Variants in ZNF124 observed in about 807,000 individuals in gnomAD.
The protein encoded by ZNF124 is zinc finger protein HZF-16.
Under a neutral mutation model 26.6 loss-of-function variants are expected in ZNF124, and 25 were observed. That is an observed-to-expected ratio of 0.94 (90% CI 0.68 to 1.31). The LOEUF (loss-of-function observed/expected upper bound fraction) is 1.31. Among genes scored for constraint, ZNF124 ranks in the 40% most tolerant of loss-of-function variants. ZNF124 has a pLI of 0.00. For missense variants in ZNF124, 444 were observed against 422.2 expected (o/e 1.05, Z -0.45); for synonymous variants, 129 against 133.3 (o/e 0.97, Z 0.22).
rs150462818 is a variant in ZNF124, at chr1:247,143,061, A to T, written c.218+15945T>A. Among the ~76,000 whole-genome samples, 26 of 152,134 alleles carry T rather than the reference A, an allele frequency of 1.7e-4. No homozygotes were observed. In the East Asian group the frequency reaches 4.8e-3, roughly 28 times the overall value. ...TTTATCCATAAAGAATCTGCATGTG[A>T]GAGAGAGAGCTATTTTCTCCTCACT... On this transcript the variant is annotated intron_variant, in intron 3 of 3. Transcript: ENST00000472531.
chr1:247,130,465 A>G (rs1572056638), intron 3 of ZNF124, among the ~76,000 whole-genome samples: 1 of 152,322 alleles, frequency 6.6e-6, no homozygotes, highest in East Asian at 1.9e-4. Flanking sequence ...CATCAGTTCC[A>G]CCTTTGTGCC....
chr1:247,145,374 GA>G (rs1263436206), intron 3 of ZNF124, among the ~76,000 whole-genome samples: 1 of 152,140 alleles, frequency 6.6e-6, no homozygotes, highest in Non-Finnish European at 1.5e-5. Context: ...GGTGTGTCTG[GA>G]GTCAGTTTTT....
In ZNF124 at chr1:247,140,759, C is replaced by T. The variant is rs542721118; in HGVS notation, c.219-16888G>A. 4.6e-5 allele frequency among the ~76,000 whole-genome samples: 7 copies of T among 152,256 alleles called. No homozygotes were observed. The East Asian group carries it at 1.2e-3, about 25-fold the overall frequency. On this transcript the variant is annotated intron_variant, in intron 3 of 3. Coordinates refer to the ZNF124 transcript ENST00000472531. ...CAAGGTGTTTTTGGTGTTGGAACTT[C>T]GGGATGTGATCCAGTAGGTGGTGCT...
chr1:247,144,859 T>A (rs369965164), intron 3 of ZNF124, among the ~76,000 whole-genome samples: 4 of 151,308 alleles, frequency 2.6e-5, no homozygotes, highest in South Asian at 4.2e-4. Context: ...CAATGCAACC[T>A]CCGCCTCCCA....
At chr1:247,152,099 C>T (rs768065679), downstream of ZNF124, among the ~76,000 whole-genome samples, 3 of 149,346 alleles carry the variant, frequency 2.0e-5, no homozygotes, top group African/African-American at 4.9e-5. Context: ...AAAACTGTCC[C>T]CAATATTTAA....
rs1480778955 is a variant in ZNF124 at position 247,156,240 on chromosome 1, C to G, written c.*326G>C. On this transcript the variant is annotated 3_prime_UTR_variant, in exon 4 of 4. Coordinates refer to ENST00000543802, the MANE Select transcript of ZNF124 (RefSeq NM_001297568.2). ...GTTATAGGATAAATGAAGGCATTCT[C>G]ACATTCGATACCTTCATAAAGTTTT... The G allele has an allele frequency of 2.9e-6, 3 of 1,033,044 alleles. No homozygotes were observed. The highest frequency in any genetic ancestry group is 3.5e-6 in the Non-Finnish European group (3 of 862,466). 64.0% of individuals were successfully genotyped at this position (1,033,044 alleles called of 1,614,324 possible).
At chr1:247,164,420 A>G (rs1385928183) in intron 1 of ZNF124, among the ~76,000 whole-genome samples, 1 of 152,232 alleles carries the variant, frequency 6.6e-6, no homozygotes, top group Non-Finnish European at 1.5e-5. Flanking sequence ...AGGACAGAAA[A>G]TAAATGTACA....
chr1:247,170,678 A>T (rs952953339), intron 1 of ZNF124, among the ~76,000 whole-genome samples: 1 of 143,646 alleles, frequency 7.0e-6, no homozygotes, highest in Admixed American at 6.7e-5. Context: ...TTAAGGGCTT[A>T]CAACTCTAAG....
At chr1:247,167,401 TG>T (rs139908179) in intron 1 of ZNF124, among the ~76,000 whole-genome samples, 3,928 of 152,300 alleles carry the variant, frequency 0.026, 183 homozygotes, top group African/African-American at 0.09. Flanking sequence ...GGAAACAAAC[TG>T]ATGTTTTGGT....
At chr1:247,135,852 C>G (rs1672470446) in intron 3 of ZNF124, among the ~76,000 whole-genome samples, 1 of 152,208 alleles carries the variant, frequency 6.6e-6, no homozygotes, top group South Asian at 2.1e-4. Flanking sequence ...AGCTTCATTA[C>G]TGGGATGCAT....
intron 1 of ZNF124, among the ~76,000 whole-genome samples, chr1:247,165,096 A>G (rs2103133059): frequency 6.6e-6 from 1 of 152,086 alleles, no homozygotes; most frequent in African/African-American, 2.4e-5. Flanking sequence ...CCTCCCGAGT[A>G]GCTGTGACTA....
At chr1:247,142,854 T>TTA (rs1672663026) in intron 3 of ZNF124, among the ~76,000 whole-genome samples, 2 of 150,018 alleles carry the variant, frequency 1.3e-5, no homozygotes, top group Admixed American at 6.6e-5. Context: ...TTTTTTTTTT[T>TTA]ACATATATTC....
chr1:247,132,924 G>A (rs1056424435), intron 3 of ZNF124, among the ~76,000 whole-genome samples: 1 of 152,178 alleles, frequency 6.6e-6, no homozygotes, highest in African/African-American at 2.4e-5. Context: ...CTTTTGAGAC[G>A]CAAGTCTGCT....
intron 3 of ZNF124, among the ~76,000 whole-genome samples, chr1:247,136,581 A>G (rs928429208): frequency 1.9e-4 from 29 of 152,252 alleles, no homozygotes; most frequent in Non-Finnish European, 4.4e-5. Flanking sequence ...AAAGTAATTT[A>G]CAGATTCAGT....
At chr1:247,146,337 G>A (rs1419454476) in intron 3 of ZNF124, among the ~76,000 whole-genome samples, 1 of 152,144 alleles carries the variant, frequency 6.6e-6, no homozygotes, top group Non-Finnish European at 1.5e-5. Flanking sequence ...TTTCCTTCTA[G>A]AATACATTAT....
chr1:247,162,552 T>C (rs1013666504), intron 1 of ZNF124, among the ~76,000 whole-genome samples: 11 of 136,750 alleles, frequency 8.0e-5, no homozygotes, highest in African/African-American at 1.4e-4. Flanking sequence ...TAAAACTGCC[T>C]AACAACACAT....
intron 3 of ZNF124, among the ~76,000 whole-genome samples, chr1:247,139,471 T>G (rs1672570927): frequency 6.6e-6 from 1 of 152,250 alleles, no homozygotes; most frequent in South Asian, 2.1e-4. Flanking sequence ...GTGCGCCTTT[T>G]AAGCAGGGCA....
At chr1:247,139,105 T>C (rs1056583271) in intron 3 of ZNF124, among the ~76,000 whole-genome samples, 2 of 152,196 alleles carry the variant, frequency 1.3e-5, no homozygotes, top group African/African-American at 4.8e-5. Context: ...GTCTCATGTC[T>C]CCCTAAAATG....
At chr1:247,150,807 T>C (rs1672911855), downstream of ZNF124, among the ~76,000 whole-genome samples, 1 of 151,576 alleles carries the variant, frequency 6.6e-6, no homozygotes, top group Admixed American at 6.6e-5. Context: ...TAAATATACA[T>C]CCTCATTTAA....
Sources: gnomAD v4.1 joint callset for allele counts (sites outside exome capture counted in the v4.1 genomes callset) on GRCh38, gnomAD v4.1.1 for gene constraint, MANE v1.5 for transcripts, NCBI Gene and HGNC (gene_info 2026-07-23, HGNC 2026-07-21) for gene names.